The following SIPA1L2 variants were observed in gnomAD, a reference collection of about 807,000 sequenced individuals.
SIPA1L2 encodes signal-induced proliferation-associated 1-like protein 2.
In SIPA1L2, 56 loss-of-function variants were observed where a neutral mutation model predicts 163.9. The ratio of observed to expected loss-of-function variants is 0.34; its 90% CI spans 0.28 to 0.43. The LOEUF is 0.43. Ranked by LOEUF, SIPA1L2 falls within the 20% of genes least tolerant of loss-of-function variation. The pLI is 1.00. For synonymous variants in SIPA1L2, 877 were observed against 865.7 expected (o/e 1.01, Z -0.23); for missense variants, 1,974 against 2,193.5 (o/e 0.90, Z 2.00).
chr1:232,551,284 T>C (rs1658365525), intron 2 of SIPA1L2, among the ~76,000 whole-genome samples: 1 of 152,282 alleles, frequency 6.6e-6, no homozygotes, highest in Middle Eastern at 3.4e-3. Flanking sequence ...GTTTTTATTA[T>C]ATGACCCAGA....
rs1235259618 is a variant in SIPA1L2, at chr1:232,403,525, C to A, written c.4863G>T (p.Gly1621=). 2.5e-6 allele frequency: 4 copies of A among 1,614,126 alleles called. No homozygotes were observed. Among genetic ancestry groups the A allele is most frequent in the Non-Finnish European group, 2.5e-6 (3 of 1,180,006 alleles). Residue 1621 remains glycine (G), a synonymous_variant, in exon 21 of 23, where the codon GGG becomes GGT. Coordinates refer to ENST00000674635, the MANE Select transcript of SIPA1L2 (RefSeq NM_020808.5). ...SFCTLTDMQH[G]QDLEGAQELP... ...GCTCTTGGGCCCCTTCCAGGTCCTG[C>A]CCATGCTGCATATCTGTCAGGGTGC... is the stretch of plus-strand genomic sequence containing the variant.
At chr1:232,564,238 G>T (rs1219326391) in intron 2 of SIPA1L2, among the ~76,000 whole-genome samples, 3 of 4,108 alleles carry the variant, frequency 7.3e-4, no homozygotes, top group Non-Finnish European at 9.0e-4. Flanking sequence ...TTTTTTTCGT[G>T]TGTGTGTGTG....
chr1:232,418,555 T>C (rs939749232), intron 18 of SIPA1L2, among the ~76,000 whole-genome samples: 2 of 152,038 alleles, frequency 1.3e-5, no homozygotes. Flanking sequence ...GCTCTGAAGG[T>C]CTCTGCCTGC....
Position 232,621,450 on chromosome 1 carries a change from G to A in SIPA1L2, c.-319+8419C>T, listed in dbSNP as rs1662807539. ...ACCTACCATACCTTACAAGTGAGCT[G>A]TAGAATAAAGAACACTATAGCTGGA... On this transcript the variant is annotated intron_variant, in intron 1 of 22. Coordinates refer to ENST00000674635, the MANE Select transcript of SIPA1L2 (RefSeq NM_020808.5). 2.6e-5 allele frequency among the ~76,000 whole-genome samples: 4 copies of A among 152,134 alleles called. No homozygotes were observed. In the South Asian group the frequency reaches 8.3e-4, roughly 32 times the overall value.
chr1:232,588,318 C>T (rs1171086564), intron 1 of SIPA1L2, among the ~76,000 whole-genome samples: 1 of 152,152 alleles, frequency 6.6e-6, no homozygotes, highest in African/African-American at 2.4e-5. Context: ...AGAAACAAAA[C>T]AGGCCCATTT....
intron 3 of SIPA1L2, among the ~76,000 whole-genome samples, chr1:232,506,109 T>C (rs906512765): frequency 2.6e-5 from 4 of 152,172 alleles, no homozygotes; most frequent in African/African-American, 9.7e-5. Flanking sequence ...ACCAGACACC[T>C]TTCCCCAGCC....
intron 2 of SIPA1L2, among the ~76,000 whole-genome samples, chr1:232,549,308 G>C (rs950483878): frequency 1.3e-5 from 2 of 152,126 alleles, no homozygotes; most frequent in Non-Finnish European, 1.5e-5. Context: ...CTTAGGACTC[G>C]ACAGCAGATG....
chr1:232,523,474 T>C (rs1469186165), intron 2 of SIPA1L2, among the ~76,000 whole-genome samples: 1 of 152,214 alleles, frequency 6.6e-6, no homozygotes, highest in Non-Finnish European at 1.5e-5. Context: ...GAGGCATTTA[T>C]GTCTGAGGAA....
chr1:232,558,919 T>G (rs1372224815), intron 2 of SIPA1L2, among the ~76,000 whole-genome samples: 1 of 152,222 alleles, frequency 6.6e-6, no homozygotes, highest in Non-Finnish European at 1.5e-5. Flanking sequence ...TGGAAACAGT[T>G]TGGTTTCACC....
intron 1 of SIPA1L2, among the ~76,000 whole-genome samples, chr1:232,595,508 T>C (rs112517179): frequency 2.9e-3 from 439 of 152,278 alleles, no homozygotes; most frequent in African/African-American, 0.01. Flanking sequence ...CTTTCAGCTG[T>C]CACATTCCTC....
chr1:232,402,551 A>G (rs1488328246), intron 21 of SIPA1L2, 78 bp from the exon 22 acceptor site: 6 of 1,250,028 alleles, frequency 4.8e-6, no homozygotes, highest in Non-Finnish European at 6.8e-6. Context: ...TCACTCGAAA[A>G]AATTATTTCA....
Position 232,515,351 on chromosome 1 carries a change from A to AAGAGCCTCCAT in SIPA1L2, c.-13_-12insATGGAGGCTCT, listed in dbSNP as rs1275599178. On this transcript the variant is annotated 5_prime_UTR_variant, in exon 3 of 23. It adds an upstream start codon to the 5' untranslated region. Coordinates refer to ENST00000674635, the MANE Select transcript of SIPA1L2 (RefSeq NM_020808.5). ...CTTGGGTCACTCATGTCTACCGAGG[A>AAGAGCCTCCAT]AGAGCCTCCAAGTCTCACCAGGAAG... 6.4e-7 allele frequency: 1 copy of AAGAGCCTCCAT among 1,561,918 alleles called. No individual in the cohort carries two copies. Among genetic ancestry groups the AAGAGCCTCCAT allele is most frequent in the South Asian group, 1.2e-5 (1 of 81,998 alleles).
At chr1:232,439,999 T>C (rs1178365962) in intron 14 of SIPA1L2, among the ~76,000 whole-genome samples, 1 of 152,194 alleles carries the variant, frequency 6.6e-6, no homozygotes, top group Admixed American at 6.5e-5. Flanking sequence ...ATGATTCCTG[T>C]GTGAAGCAAA....
Position 232,402,664 on chromosome 1 carries a change from TAA to T in SIPA1L2, c.4941-193_4941-192del, listed in dbSNP as rs543040412. ...AGCCCATTCTGGGACTTTACTGATT[TAA>T]AAAGAGATGCAGAAACTCTATAGAT... On this transcript the variant is annotated intron_variant, in intron 21 of 22. Coordinates refer to ENST00000674635, the MANE Select transcript of SIPA1L2 (RefSeq NM_020808.5). 1.6e-3 allele frequency: 749 copies of T among 457,582 alleles called. 7 individuals are homozygous for T. Among genetic ancestry groups the T allele is most frequent in the African/African-American group, 0.014 (709 of 50,650 alleles). The allele number at this position is 457,582 out of a possible 1,614,324, so 28.3% of individuals were successfully genotyped here.
intron 3 of SIPA1L2, among the ~76,000 whole-genome samples, chr1:232,495,958 AAAAAAATAAAGTTATAAAGTAG>A (rs1666167339): frequency 6.6e-6 from 1 of 152,202 alleles, no homozygotes; most frequent in African/African-American, 2.4e-5. Flanking sequence ...TAAAAAAGTT[AAAAAAATAAAGTTATAAAGTAG>A]AAAAGTTACT....
chr1:232,587,486 G>A (rs1377662441), intron 1 of SIPA1L2, among the ~76,000 whole-genome samples: 2 of 152,148 alleles, frequency 1.3e-5, no homozygotes, highest in African/African-American at 4.8e-5. Context: ...TCTTCAACTG[G>A]ATCTGTGAGG....
At chr1:232,576,258 C>T (rs894402102) in intron 1 of SIPA1L2, among the ~76,000 whole-genome samples, 2 of 152,180 alleles carry the variant, frequency 1.3e-5, no homozygotes, top group Admixed American at 6.5e-5. Flanking sequence ...GCAAGTCTAT[C>T]GGCACCATTT....
At position 232,572,734 on chromosome 1, in the gene SIPA1L2, CAT is replaced by C. The variant is rs1165351923; in HGVS notation, c.-270+1438_-270+1439del. 1.1e-3 allele frequency among the ~76,000 whole-genome samples: 77 copies of C among 67,336 alleles called. 2 individuals carry two copies. The East Asian group carries it at 0.15, about 134-fold the overall frequency. The allele number at this position is 67,336 out of a possible 152,430, so 44.2% of individuals were successfully genotyped here. A position where few individuals can be genotyped will look rare whatever the true frequency, so the allele number is the denominator to read the frequency against. ...ATATATATACACACATATATACATA[CAT>C]ACATATATATATATATATATATATA... On this transcript the variant is annotated intron_variant, in intron 2 of 22. Transcript: ENST00000674635.
At chr1:232,525,505 C>CT (rs1034828125) in intron 2 of SIPA1L2, among the ~76,000 whole-genome samples, 16 of 151,534 alleles carry the variant, frequency 1.1e-4, no homozygotes, top group Non-Finnish European at 1.5e-4. Flanking sequence ...ATCTGCCCGC[C>CT]TTGGCCTCCC....
Sources: gnomAD v4.1 joint callset for allele counts (sites outside exome capture counted in the v4.1 genomes callset) on GRCh38, gnomAD v4.1.1 for gene constraint, MANE v1.5 for transcripts, NCBI Gene and HGNC (gene_info 2026-07-23, HGNC 2026-07-21) for gene names.